WWP2: variants seen among roughly 807,000 people sequenced by gnomAD.
WWP2 encodes WW domain containing E3 ubiquitin protein ligase 2, also known as NEDD4-like E3 ubiquitin-protein ligase WWP2.
WWP2 carries 57 observed loss-of-function variants against 121.0 expected under a neutral mutation model. The ratio of observed to expected loss-of-function variants is 0.47; its 90% CI spans 0.38 to 0.59. WWP2 has a LOEUF of 0.59. Ranked by LOEUF, WWP2 falls within the 20% of genes least tolerant of loss-of-function variation. WWP2 has a pLI of 0.00. For missense variants in WWP2, 962 were observed against 1,158.9 expected (o/e 0.83, Z 2.47); for synonymous variants, 449 against 441.3 (o/e 1.02, Z -0.22).
At chr16:69,856,572 C>T (rs1453068620) in intron 6 of WWP2, among the ~76,000 whole-genome samples, 1 of 152,028 alleles carries the variant, frequency 6.6e-6, no homozygotes, top group Admixed American at 6.6e-5. Flanking sequence ...GTCGGGAGAT[C>T]GAGACCATCC....
At chr16:69,877,989 G>A (rs957921828) in intron 7 of WWP2, among the ~76,000 whole-genome samples, 1 of 151,654 alleles carries the variant, frequency 6.6e-6, no homozygotes, top group Non-Finnish European at 1.5e-5. Flanking sequence ...TGTATTTTTA[G>A]TAGAGCTGGG....
rs79590287 is a variant in WWP2, at chr16:69,863,654, G to C, written c.576-8150G>C. Among the ~76,000 whole-genome samples, 901 of 152,010 alleles carry C rather than the reference G, an allele frequency of 5.9e-3. 6 individuals carry two copies. Among genetic ancestry groups the C allele is most frequent in the Middle Eastern group, 0.044 (13 of 294 alleles). ...AAACTCCGTCTCAAAAACAAACAAA[G>C]AAACAAACAAACAAAAGATACAGAA... On this transcript the variant is annotated intron_variant, in intron 6 of 23. Transcript: ENST00000359154.
chr16:69,820,979 G>A (rs1404005018), intron 4 of WWP2, among the ~76,000 whole-genome samples: 1 of 152,218 alleles, frequency 6.6e-6, no homozygotes, highest in African/African-American at 2.4e-5. Flanking sequence ...AGTGTGGTGC[G>A]TGCTGCCCAC....
chr16:69,922,739 T>A (rs777185043), intron 10 of WWP2, among the ~76,000 whole-genome samples: 359 of 152,354 alleles, frequency 2.4e-3, no homozygotes, highest in Non-Finnish European at 3.7e-3. Flanking sequence ...CTGGCTTTAT[T>A]TTTCAAGTTG....
At chr16:69,913,965 G>A (rs972331182) in intron 9 of WWP2, among the ~76,000 whole-genome samples, 3 of 151,206 alleles carry the variant, frequency 2.0e-5, no homozygotes, top group Admixed American at 6.6e-5. Flanking sequence ...CCAGCTACTC[G>A]CGAGGCTGAG....
intron 6 of WWP2, 73 bp from the exon 7 acceptor site, chr16:69,871,731 G>T: frequency 6.3e-7 from 1 of 1,581,952 alleles, no homozygotes; most frequent in South Asian, 1.1e-5. Context: ...GGAATATGAT[G>T]ACTTAGGTAG....
chr16:69,885,139 A>G (rs1363938553), intron 7 of WWP2, among the ~76,000 whole-genome samples: 2 of 149,192 alleles, frequency 1.3e-5, no homozygotes, highest in Admixed American at 6.7e-5. Flanking sequence ...ACACACACAC[A>G]CATTCTTCTT....
intron 6 of WWP2, among the ~76,000 whole-genome samples, chr16:69,852,435 C>T (rs1338659908): frequency 1.3e-5 from 2 of 152,052 alleles, no homozygotes; most frequent in African/African-American, 4.8e-5. Flanking sequence ...CCACGCCCAG[C>T]TAATTTTTTT....
At chr16:69,790,253 A>G (rs1331495968) in intron 2 of WWP2, among the ~76,000 whole-genome samples, 5 of 152,238 alleles carry the variant, frequency 3.3e-5, no homozygotes, top group African/African-American at 4.8e-5. Flanking sequence ...ATCTCAAAGA[A>G]AACAACAAAA....
At chr16:69,846,390 TGTTGTATGG>T (rs1567700396) in intron 6 of WWP2, among the ~76,000 whole-genome samples, 1 of 151,860 alleles carries the variant, frequency 6.6e-6, no homozygotes, top group Non-Finnish European at 1.5e-5. Flanking sequence ...AAACAATACA[TGTTGTATGG>T]ATACCTTCAG....
At chr16:69,915,892 A>C (rs2058473107) in intron 9 of WWP2, among the ~76,000 whole-genome samples, 1 of 152,050 alleles carries the variant, frequency 6.6e-6, no homozygotes, top group Non-Finnish European at 1.5e-5. Flanking sequence ...TTAAAAAATT[A>C]GTTGAATGTG....
intron 8 of WWP2, among the ~76,000 whole-genome samples, chr16:69,901,232 A>G (rs1430907182): frequency 6.6e-6 from 1 of 152,224 alleles, no homozygotes; most frequent in Non-Finnish European, 1.5e-5. Context: ...AACATTTATT[A>G]TAGGAGCATA....
chr16:69,902,116 T>C (rs900833651), intron 8 of WWP2, among the ~76,000 whole-genome samples: 21 of 152,346 alleles, frequency 1.4e-4, no homozygotes, highest in African/African-American at 5.1e-4. Context: ...GAACACACAC[T>C]GTAACAACGG....
chr16:69,874,136 G>A (rs1452161755), intron 7 of WWP2, among the ~76,000 whole-genome samples: 4 of 152,184 alleles, frequency 2.6e-5, no homozygotes, highest in African/African-American at 9.7e-5. Flanking sequence ...GCCCACTCCA[G>A]TGCTGAGGGC....
At chr16:69,877,282 A>T (rs2057750761) in intron 7 of WWP2, among the ~76,000 whole-genome samples, 3 of 152,166 alleles carry the variant, frequency 2.0e-5, no homozygotes, top group African/African-American at 4.8e-5. Flanking sequence ...TGTTTGAGGG[A>T]TCTTTCCTTA....
chr16:69,763,808 T>C (rs2038669639), intron 1 of WWP2, among the ~76,000 whole-genome samples: 1 of 152,200 alleles, frequency 6.6e-6, no homozygotes, highest in Non-Finnish European at 1.5e-5. Flanking sequence ...AAATATTTGG[T>C]GAATAAATGC....
At chr16:69,855,540 G>T (rs1274257710) in intron 6 of WWP2, among the ~76,000 whole-genome samples, 1 of 152,126 alleles carries the variant, frequency 6.6e-6, no homozygotes, top group African/African-American at 2.4e-5. Context: ...TTTGATTCAT[G>T]CGAAAAATAT....
At chr16:69,855,527 G>A (rs1328689202) in intron 6 of WWP2, among the ~76,000 whole-genome samples, 3 of 152,196 alleles carry the variant, frequency 2.0e-5, no homozygotes, top group Non-Finnish European at 2.9e-5. Flanking sequence ...CTTAAAAAAT[G>A]AGTTTGATTC....
intron 1 of WWP2, among the ~76,000 whole-genome samples, chr16:69,782,302 CAG>C (rs1283663681): frequency 1.3e-5 from 2 of 151,904 alleles, no homozygotes; most frequent in Admixed American, 6.6e-5. Context: ...AACAGACAAA[CAG>C]AGGGATGACA....
Sources: gnomAD v4.1 joint callset for allele counts (sites outside exome capture counted in the v4.1 genomes callset) on GRCh38, gnomAD v4.1.1 for gene constraint, MANE v1.5 for transcripts, NCBI Gene and HGNC (gene_info 2026-07-23, HGNC 2026-07-21) for gene names.